Variants in SEPTIN1 observed in about 807,000 individuals in gnomAD.
The protein encoded by SEPTIN1 is septin-1.
Under a neutral mutation model 50.7 loss-of-function variants are expected in SEPTIN1, and 52 were observed. That is an observed-to-expected ratio of 1.03 (90% CI 0.82 to 1.29). SEPTIN1 has a LOEUF of 1.29. SEPTIN1 is among the 50% of genes most tolerant of loss of function. SEPTIN1 has a pLI of 0.00. For synonymous variants in SEPTIN1, 204 were observed against 189.1 expected (o/e 1.08, Z -0.65); for missense variants, 455 against 490.7 (o/e 0.93, Z 0.69).
rs531708807 is a variant in SEPTIN1, at chr16:30,381,694, C to T, written c.320+66G>A. On this transcript the variant is annotated intron_variant, in intron 4 of 10. Coordinates refer to ENST00000321367, the MANE Select transcript of SEPTIN1 (RefSeq NM_001365977.2). This position sits in a 1 kb window ranked among gnomAD's most constrained non-coding sequence, Gnocchi z 4.3. ...AGATAGGGAGCCAGCACAAACCAGT[C>T]CTGTAACTCTCCAGGGAGTCGCCAC... The T allele has an allele frequency of 1.0e-5, 16 of 1,597,212 alleles. No individual in the cohort carries two copies. In the African/African-American group the frequency reaches 1.7e-4, roughly 17 times the overall value.
In SEPTIN1 at chr16:30,378,486, T is replaced by C; in HGVS notation, c.1067A>G (p.Gln356Arg). The change falls in exon 11 of 11, where the codon CAG (glutamine) becomes CGG (arginine). Residue 356 changes from glutamine (Q) to arginine (R), a missense_variant. By Grantham distance (43) the Gln-to-Arg change is conservative. Coordinates refer to ENST00000321367, the MANE Select transcript of SEPTIN1 (RefSeq NM_001365977.2). ...RRMQEMLEKM[Q>R]AQMQQSQAQG... is the part of the protein sequence containing the mutation. Reference sequence around the variant, plus strand: ...GGCCTGGCTCTGCTGCATTTGGGCCTGCATCTTCTCCAGCATCTCTTGCAT... The same window carrying C: ...GGCCTGGCTCTGCTGCATTTGGGCCCGCATCTTCTCCAGCATCTCTTGCAT... 2 of 1,577,062 alleles carry C rather than the reference T, an allele frequency of 1.3e-6. No homozygotes were observed. The highest frequency in any genetic ancestry group is 1.7e-6 in the Non-Finnish European group (2 of 1,162,380).
In SEPTIN1 at chr16:30,379,010, G is replaced by A. The variant is rs777791430; in HGVS notation, c.941+8C>T. 2 of 1,612,228 alleles carry A rather than the reference G, an allele frequency of 1.2e-6. No homozygotes were observed. The highest frequency in any genetic ancestry group is 2.2e-5 in the South Asian group (2 of 90,990). Reference sequence around the variant, plus strand: ...GGAGGCTCTGATACTGTCCGCCCCGGGTCTCACCTGCGGCTGGCTCGATCG... The same window carrying A: ...GGAGGCTCTGATACTGTCCGCCCCGAGTCTCACCTGCGGCTGGCTCGATCG... On this transcript the variant is annotated splice_region_variant and intron_variant, in intron 9 of 10. Transcript: ENST00000321367.
chr16:30,381,902 G>A lies in SEPTIN1; in HGVS notation c.197-19C>T, dbSNP rs2049854823. ...AAGCGAGCTGTGGGATGGGGGAGAG[G>A]TCAGGGATCCGGGGAGGCTCTGAGG... On this transcript the variant is annotated intron_variant, in intron 3 of 10. Transcript: ENST00000321367. This position sits in a 1 kb window ranked among gnomAD's most constrained non-coding sequence, Gnocchi z 4.3. 2 of 1,613,908 alleles carry A rather than the reference G, an allele frequency of 1.2e-6. No homozygotes were observed. Among genetic ancestry groups the A allele is most frequent in the Non-Finnish European group, 1.7e-6 (2 of 1,179,932 alleles).
chr16:30,378,459 T>C lies in SEPTIN1; in HGVS notation c.1094A>G (p.Gln365Arg). 1 of 1,574,256 alleles carries C rather than the reference T, an allele frequency of 6.4e-7. No homozygotes were observed. Residue 365 changes from glutamine (Q) to arginine (R), a missense_variant, in exon 11 of 11, where the codon CAG (glutamine) becomes CGG (arginine). Transcript: ENST00000321367. ...TCAGAGGGCGTCTGACTGCTCGCCC[T>C]GGGCCTGGCTCTGCTGCATTTGGGC... is the stretch of plus-strand genomic sequence containing the variant. ...MQAQMQQSQA[Q>R]GEQSDAL
At chr16:30,382,810 A>G, upstream of SEPTIN1, 1 of 1,534,264 alleles carries the variant, frequency 6.5e-7, no homozygotes, top group Non-Finnish European at 8.7e-7. The surrounding 1 kb of genome is among the most constrained non-coding windows in gnomAD (Gnocchi z 4.8). Flanking sequence ...GACATGGGGT[A>G]TGTGCAGAGA....
intron 7 of SEPTIN1, 83 bp from the exon 8 acceptor site, chr16:30,379,617 T>G: frequency 3.1e-6 from 2 of 635,690 alleles, no homozygotes; most frequent in Non-Finnish European, 5.6e-6. Context: ...CACACCCGCC[T>G]CCTCTGCTTC....
intron 7 of SEPTIN1, 104 bp from the exon 8 acceptor site, chr16:30,379,638 C>CTAT: frequency 7.8e-5 from 23 of 295,632 alleles, no homozygotes; most frequent in Admixed American, 1.6e-4. Context: ...CTGCCCCTTC[C>CTAT]TCTTTTTTTT....
Position 30,379,921 on chromosome 16 carries a change from G to C in SEPTIN1, c.675+11C>G. On this transcript the variant is annotated intron_variant, in intron 7 of 10. Transcript: ENST00000321367. Reference sequence around the variant, plus strand: ...CGTGCCCGGCCTGCCTTCCTTCTTTGTTTCCCACACCTTCATCTCTGCATC... The same window carrying C: ...CGTGCCCGGCCTGCCTTCCTTCTTTCTTTCCCACACCTTCATCTCTGCATC... 5 of 1,454,974 alleles carry C rather than the reference G, an allele frequency of 3.4e-6. No individual in the cohort carries two copies. Among genetic ancestry groups the C allele is most frequent in the Non-Finnish European group, 4.8e-6 (5 of 1,039,160 alleles). 90.1% of individuals were successfully genotyped at this position (1,454,974 alleles called of 1,614,324 possible).
Position 30,382,248 on chromosome 16 carries a change from G to A in SEPTIN1, c.109+27C>T, listed in dbSNP as rs766248790. 4.4e-5 allele frequency: 71 copies of A among 1,612,324 alleles called. No homozygotes were observed. In the Middle Eastern group the frequency reaches 4.9e-4, roughly 11 times the overall value. On this transcript the variant is annotated intron_variant, in intron 2 of 10. Coordinates refer to ENST00000321367, the MANE Select transcript of SEPTIN1 (RefSeq NM_001365977.2). The surrounding 1 kb of genome is among the most constrained non-coding windows in gnomAD (Gnocchi z 4.8). ...AGGGCCTCCTAAGGACATCCCCTCC[G>A]CAGTTCCCTCTCCAAAACCCCCAGA... is the stretch of plus-strand genomic sequence containing the variant.
upstream of SEPTIN1, chr16:30,382,567 C>A (rs761181822): frequency 4.4e-6 from 7 of 1,582,770 alleles, no homozygotes; most frequent in South Asian, 8.1e-5. This position sits in a 1 kb window ranked among gnomAD's most constrained non-coding sequence, Gnocchi z 4.8. Context: ...TCTCTCCCCA[C>A]TTCCTCTGGT....
At chr16:30,378,739 G>A in intron 9 of SEPTIN1, 39 bp from the exon 10 acceptor site, 1 of 1,582,754 alleles carries the variant, frequency 6.3e-7, no homozygotes, top group Non-Finnish European at 8.6e-7. Flanking sequence ...TCAGGAGCGG[G>A]ACCTGAGGTT....
In SEPTIN1 at chr16:30,378,364, G is replaced by A; in HGVS notation, c.*70C>T. 7.8e-6 allele frequency: 11 copies of A among 1,407,782 alleles called. No individual in the cohort carries two copies. Among genetic ancestry groups the A allele is most frequent in the Non-Finnish European group, 1.0e-5 (11 of 1,055,446 alleles). The allele number at this position is 1,407,782 out of a possible 1,614,324, so 87.2% of individuals were successfully genotyped here. ...GAGGTCCCGGGGGGCGCTGGGCAGT[G>A]TGGGGCGCGGGGATTGGACAAGAGG... On this transcript the variant is annotated 3_prime_UTR_variant, in exon 11 of 11. Coordinates refer to ENST00000321367, the MANE Select transcript of SEPTIN1 (RefSeq NM_001365977.2).
intron 6 of SEPTIN1, 101 bp from the exon 7 acceptor site, chr16:30,380,134 C>G: frequency 1.1e-6 from 1 of 932,444 alleles, no homozygotes; most frequent in Non-Finnish European, 1.5e-6. Flanking sequence ...TGGTCAGAGA[C>G]AGAGAGAAAG....
Position 30,382,074 on chromosome 16 carries a change from AGGGTGGG to A in SEPTIN1, c.196+12_196+18del. 1 of 1,577,146 alleles carries A rather than the reference AGGGTGGG, an allele frequency of 6.3e-7. No homozygotes were observed. Among genetic ancestry groups the A allele is most frequent in the East Asian group, 2.3e-5 (1 of 42,652 alleles). ...TGGGGACAGGGGCTACTGCCTCAAG[AGGGTGGG>A]GAGGGTCTTACCACTGGCCTCTGGC... is the stretch of plus-strand genomic sequence containing the variant. On this transcript the variant is annotated intron_variant, in intron 3 of 10. Coordinates refer to ENST00000321367, the MANE Select transcript of SEPTIN1 (RefSeq NM_001365977.2). The surrounding 1 kb of genome is among the most constrained non-coding windows in gnomAD (Gnocchi z 4.8).
At chr16:30,379,280 T>A in intron 8 of SEPTIN1, 97 bp from the exon 9 acceptor site, 1 of 1,517,946 alleles carries the variant, frequency 6.6e-7, no homozygotes, top group Non-Finnish European at 9.0e-7. Context: ...GCTGCCACTC[T>A]AGCGGAGGGT....
chr16:30,378,447 G>A lies in SEPTIN1; in HGVS notation c.1106C>T (p.Ser369Leu). ...MQQSQAQGEQSDAL is the reference protein window; with the variant it reads ...MQQSQAQGEQLDAL ...CGGGGCGTGGCCTCAGAGGGCGTCT[G>A]ACTGCTCGCCCTGGGCCTGGCTCTG... Residue 369 changes from serine to leucine, a missense_variant, in exon 11 of 11, where the codon TCA becomes TTA. Coordinates refer to ENST00000321367, the MANE Select transcript of SEPTIN1 (RefSeq NM_001365977.2). 6.4e-7 allele frequency: 1 copy of A among 1,572,730 alleles called. No homozygotes were observed. The highest frequency in any genetic ancestry group is 1.1e-5 in the South Asian group (1 of 88,272).
chr16:30,379,985 CG>C lies in SEPTIN1; in HGVS notation c.621del (p.Glu208AsnfsTer17). On this transcript the variant is annotated frameshift_variant, in exon 7 of 11. Transcript: ENST00000321367. LOFTEE classifies it high-confidence loss of function. Reference protein sequence around the residue: ...KEEEIHIYQFPECDSDEDEDF... With the variant: ...KEEEIHIYQFXECDSDEDEDF... The stretch of plus-strand genomic sequence containing the variant: ...TCTTCATCTTCATCAGAGTCACATT[CG>C]GGGAACTGGTAGATGTGGATCTCCT... 6.2e-7 allele frequency: 1 copy of C among 1,610,890 alleles called. No homozygotes were observed. Among genetic ancestry groups the C allele is most frequent in the East Asian group, 2.2e-5 (1 of 44,812 alleles).
At position 30,381,618 on chromosome 16, in the gene SEPTIN1, A is replaced by G. The variant is rs1025146985; in HGVS notation, c.320+142T>C. ...GAACTGGTGGGGGCCTAGGTGAGTCATCAAGAAGCACAGGGACCCAGTGGC... is the reference window on the plus strand; with the variant it reads ...GAACTGGTGGGGGCCTAGGTGAGTCGTCAAGAAGCACAGGGACCCAGTGGC... On this transcript the variant is annotated intron_variant, in intron 4 of 10. Transcript: ENST00000321367. The surrounding 1 kb of genome is among the most constrained non-coding windows in gnomAD (Gnocchi z 4.3). 6.8e-7 allele frequency: 1 copy of G among 1,473,576 alleles called. No homozygotes were observed. The highest frequency in any genetic ancestry group is 9.2e-7 in the Non-Finnish European group (1 of 1,082,044). 91.3% of individuals were successfully genotyped at this position (1,473,576 alleles called of 1,614,324 possible). A position where few individuals can be genotyped will look rare whatever the true frequency, so the allele number is the denominator to read the frequency against.
intron 6 of SEPTIN1, 162 bp downstream of exon 6, chr16:30,380,965 T>C (rs2049838426): frequency 7.1e-6 from 5 of 702,394 alleles, no homozygotes; most frequent in South Asian, 6.7e-5. Context: ...TTCAGAGACA[T>C]GGCTATGCTG....
Sources: gnomAD v4.1 joint callset for allele counts on GRCh38, gnomAD v4.1.1 for gene constraint, Gnocchi (gnomAD v3.1) non-coding constraint, MANE v1.5 for transcripts, NCBI Gene and HGNC (gene_info 2026-07-23, HGNC 2026-07-21) for gene names.